Variants in SLC26A7 observed in about 807,000 individuals in gnomAD.
The protein encoded by SLC26A7 is solute carrier family 26 member 7.
Under a neutral mutation model 82.5 loss-of-function variants are expected in SLC26A7, and 59 were observed. The observed-to-expected ratio is 0.72, with a 90% CI of 0.58 to 0.89. The LOEUF (loss-of-function observed/expected upper bound fraction) is 0.89. Ranked by LOEUF, SLC26A7 falls within the 40% of genes least tolerant of loss-of-function variation. SLC26A7 has a pLI of 0.00. For missense variants in SLC26A7, 820 were observed against 793.0 expected, an observed-to-expected ratio of 1.03 and a Z score of -0.41; for synonymous variants, 271 against 274.3, an observed-to-expected ratio of 0.99 and a Z score of 0.12.
chr8:91,336,973 T>C (rs1462258215), intron 6 of SLC26A7, among the ~76,000 whole-genome samples: 1 of 152,214 alleles, frequency 6.6e-6, no homozygotes, highest in Non-Finnish European at 1.5e-5. Context: ...TTTTTAAGTA[T>C]GTTAATATGT....
At chr8:91,337,194 A>G (rs1804446908) in intron 6 of SLC26A7, among the ~76,000 whole-genome samples, 1 of 152,196 alleles carries the variant, frequency 6.6e-6, no homozygotes, top group African/African-American at 2.4e-5. Context: ...ATATCATCAC[A>G]GAGAAGAGAA....
chr8:91,245,019 A>G (rs1248806481), upstream of SLC26A7, among the ~76,000 whole-genome samples: 1 of 152,186 alleles, frequency 6.6e-6, no homozygotes, highest in African/African-American at 2.4e-5. Context: ...ACTCTACTGT[A>G]CTGGTTGGCC....
At chr8:91,359,955 A>G (rs1332677282) in intron 11 of SLC26A7, among the ~76,000 whole-genome samples, 1 of 152,058 alleles carries the variant, frequency 6.6e-6, no homozygotes, top group Non-Finnish European at 1.5e-5. Context: ...GTACATAGTC[A>G]TCACATGGAA....
chr8:91,352,057 C>T (rs975684038), intron 10 of SLC26A7, among the ~76,000 whole-genome samples, 170 bp downstream of exon 10: 2 of 151,142 alleles, frequency 1.3e-5, no homozygotes, highest in African/African-American at 2.4e-5. Flanking sequence ...TTGAGGCAGG[C>T]GTGGGAGGGG....
chr8:91,394,242 A>G (rs770478974), intron 18 of SLC26A7: 27 of 1,613,306 alleles, frequency 1.7e-5, no homozygotes, highest in Non-Finnish European at 1.5e-5. Context: ...GTTGTTTGAT[A>G]ACTTGGATCT....
intron 2 of SLC26A7, among the ~76,000 whole-genome samples, chr8:91,234,833 T>C (rs1218329968): frequency 3.5e-5 from 5 of 141,738 alleles, no homozygotes; most frequent in Admixed American, 1.4e-4. Context: ...ACCTACTTCC[T>C]TCCTTCCTTC....
chr8:91,366,700 C>T lies in SLC26A7; in HGVS notation c.1609C>T (p.Leu537Phe). 6.2e-7 allele frequency: 1 copy of T among 1,612,696 alleles called. No individual in the cohort carries two copies. Among genetic ancestry groups the T allele is most frequent in the Middle Eastern group, 1.7e-4 (1 of 6,024 alleles). Residue 537 changes from leucine to phenylalanine, a missense_variant, in exon 14 of 19, where the codon CTT becomes TTT. Transcript: ENST00000276609. ...IQKENACNQP[L>F]DDISKCEQNT... The stretch of plus-strand genomic sequence containing the variant: ...AAAGGAAAATGCCTGTAATCAGCCA[C>T]TTGATGATATCAGCAAGGTAGGATC...
intron 2 of SLC26A7, among the ~76,000 whole-genome samples, chr8:91,239,271 G>A (rs985335658): frequency 6.6e-6 from 1 of 151,330 alleles, no homozygotes; most frequent in African/African-American, 2.4e-5. Context: ...TTTTGAGGCT[G>A]AGGCAGGAGA....
upstream of SLC26A7, among the ~76,000 whole-genome samples, chr8:91,247,695 A>ACTT (rs1361981559): frequency 1.3e-5 from 2 of 152,124 alleles, no homozygotes; most frequent in East Asian, 3.9e-4. Context: ...TGATTTAGGT[A>ACTT]CTTCTATTTA....
At chr8:91,291,218 A>G (rs1811859997) in intron 3 of SLC26A7, among the ~76,000 whole-genome samples, 1 of 152,146 alleles carries the variant, frequency 6.6e-6, no homozygotes, top group South Asian at 2.1e-4. Context: ...TTGCACGTGA[A>G]AAGAAAACAC....
chr8:91,225,705 A>G (rs181394362), intron 2 of SLC26A7, among the ~76,000 whole-genome samples: 144 of 107,934 alleles, frequency 1.3e-3, no homozygotes, highest in South Asian at 4.0e-3. Flanking sequence ...CTCAGCTACA[A>G]TGTATTTGCT....
chr8:91,226,012 A>C (rs1191255413), intron 2 of SLC26A7, among the ~76,000 whole-genome samples: 1 of 152,090 alleles, frequency 6.6e-6, no homozygotes, highest in Non-Finnish European at 1.5e-5. Flanking sequence ...CCATCCCTTT[A>C]ACAGAATCCT....
chr8:91,354,509 C>T (rs992189547), intron 11 of SLC26A7, among the ~76,000 whole-genome samples: 10 of 152,096 alleles, frequency 6.6e-5, no homozygotes, highest in African/African-American at 1.9e-4. Flanking sequence ...ACAAAGATGA[C>T]TTGATTTCAT....
At chr8:91,384,852 T>C (rs1814757957) in intron 15 of SLC26A7, among the ~76,000 whole-genome samples, 1 of 152,168 alleles carries the variant, frequency 6.6e-6, no homozygotes, top group Non-Finnish European at 1.5e-5. Flanking sequence ...GGCAATGCTG[T>C]GGTTTGTCTT....
At chr8:91,385,626 A>G (rs1029546039) in intron 15 of SLC26A7, among the ~76,000 whole-genome samples, 7 of 152,182 alleles carry the variant, frequency 4.6e-5, no homozygotes, top group Admixed American at 6.5e-5. Flanking sequence ...AAATACTTCA[A>G]TTAAAGGGAT....
intron 10 of SLC26A7, among the ~76,000 whole-genome samples, chr8:91,352,661 G>C (rs1359849427): frequency 6.6e-6 from 1 of 151,818 alleles, no homozygotes; most frequent in African/African-American, 2.4e-5. Flanking sequence ...TTTTCTTTTT[G>C]CTCTTGTTGT....
intron 2 of SLC26A7, among the ~76,000 whole-genome samples, chr8:91,261,327 G>A (rs368976900): frequency 2.2e-4 from 33 of 152,166 alleles, no homozygotes; most frequent in African/African-American, 4.8e-4. Context: ...TCAGAAATGC[G>A]TACAAAAGTA....
At chr8:91,348,889 A>G (rs1259777369) in intron 9 of SLC26A7, among the ~76,000 whole-genome samples, 1 of 152,222 alleles carries the variant, frequency 6.6e-6, no homozygotes, top group East Asian at 1.9e-4. Context: ...GTGGGTTATT[A>G]TAGAATCCTG....
chr8:91,362,241 T>A, intron 11 of SLC26A7, 112 bp from the exon 12 acceptor site: 1 of 671,092 alleles, frequency 1.5e-6, no homozygotes, highest in Non-Finnish European at 2.5e-6. Context: ...ATTTTCTTGC[T>A]GAAAGATTTG....
Sources: allele counts gnomAD v4.1 joint callset (sites outside exome capture counted in the v4.1 genomes callset), GRCh38; gene constraint gnomAD v4.1.1; transcripts MANE v1.5; gene names NCBI Gene and HGNC (gene_info 2026-07-23, HGNC 2026-07-21).